IGBP1: variants seen among roughly 807,000 people sequenced by gnomAD.
The protein encoded by IGBP1 is immunoglobulin binding protein 1.
IGBP1 carries 2 observed loss-of-function variants against 25.9 expected under a neutral mutation model. That is an observed-to-expected ratio of 0.08 (90% confidence interval 0.03 to 0.24). IGBP1 has a LOEUF of 0.24. IGBP1 is among the 10% of genes least tolerant of loss of function. IGBP1 has a pLI of 1.00. For missense variants in IGBP1, 187 were observed against 260.4 expected, an observed-to-expected ratio of 0.72 and a Z score of 1.94; for synonymous variants, 96 against 93.4, an observed-to-expected ratio of 1.03 and a Z score of -0.16.
chrX:70,134,005 A>G lies in IGBP1; in HGVS notation c.58A>G (p.Arg20Gly). The G allele has an allele frequency of 8.3e-7, 1 of 1,211,326 alleles. No homozygotes were observed. Among genetic ancestry groups the G allele is most frequent in the Non-Finnish European group, 1.1e-6 (1 of 894,894 alleles). ...GCTCCCCGAGCTGTTCGAAACTGGT[A>G]GACAGTTACTGGACGAAGTAGAAGT... ...PRLPELFETG[R>G]QLLDEVEVAT... The change falls in exon 2 of 7, where the codon AGA becomes GGA. Residue 20 changes from arginine to glycine, a missense_variant. Coordinates refer to ENST00000356413, the MANE Select transcript of IGBP1 (RefSeq NM_001551.3).
At chrX:70,155,165 G>A (rs2085231540) in intron 6 of IGBP1, among the ~76,000 whole-genome samples, 1 of 111,886 alleles carries the variant, frequency 8.9e-6, no homozygotes. Flanking sequence ...GTCTATAAAA[G>A]ATACATTTTA....
chrX:70,155,494 CAAAAAAAAAA>C (rs57946963), intron 6 of IGBP1, among the ~76,000 whole-genome samples: 56 of 36,557 alleles, frequency 1.5e-3, no homozygotes, highest in Non-Finnish European at 2.6e-3. Context: ...GACTCTGTCT[CAAAAAAAAAA>C]AAAAAAAAAA....
chrX:70,148,652 T>C, intron 4 of IGBP1, 109 bp from the exon 5 acceptor site: 1 of 548,308 alleles, frequency 1.8e-6, no homozygotes. Flanking sequence ...AAATAGAAAG[T>C]GAGTGAATTT....
intron 2 of IGBP1, 85 bp from the exon 3 acceptor site, chrX:70,134,438 C>T (rs2085082619): frequency 2.0e-6 from 2 of 1,004,413 alleles, no homozygotes; most frequent in Non-Finnish European, 2.8e-6. Flanking sequence ...ACTCCCAGCC[C>T]AGCCTCCCAC....
intron 4 of IGBP1, 79 bp from the exon 5 acceptor site, chrX:70,148,682 G>A (rs1214657588): frequency 2.3e-5 from 15 of 650,697 alleles, no homozygotes; most frequent in Non-Finnish European, 3.0e-5. Context: ...AGCTTTTCAA[G>A]CACCTGAAGA....
chrX:70,164,555 G>C (rs2085287284), intron 6 of IGBP1, among the ~76,000 whole-genome samples: 1 of 112,307 alleles, frequency 8.9e-6, no homozygotes, highest in Non-Finnish European at 1.9e-5. Context: ...GTGTCTAGTG[G>C]TATGCACTTG....
intron 3 of IGBP1, among the ~76,000 whole-genome samples, chrX:70,142,191 G>A (rs1465933099): frequency 9.0e-6 from 1 of 111,217 alleles, no homozygotes; most frequent in East Asian, 2.8e-4. Flanking sequence ...AAATTAGCTG[G>A]GTGGTGGTGC....
Position 70,133,537 on chromosome X carries a change from C to T in IGBP1, c.-229C>T. ...ACTCCTCAACCTAGGGAGCTACTCGCGAGGTAAGGGGCGCGCCAGACTGGC... is the reference window on the plus strand; with the variant it reads ...ACTCCTCAACCTAGGGAGCTACTCGTGAGGTAAGGGGCGCGCCAGACTGGC... On this transcript the variant is annotated 5_prime_UTR_variant, in exon 1 of 7. Transcript: ENST00000356413. 1 of 348,919 alleles carries T rather than the reference C, an allele frequency of 2.9e-6. No individual in the cohort carries two copies. Among genetic ancestry groups the T allele is most frequent in the Non-Finnish European group, 4.9e-6 (1 of 202,391 alleles). The allele number at this position is 348,919 out of a possible 1,213,427, so 28.8% of individuals were successfully genotyped here.
At chrX:70,146,422 G>C (rs2085166963) in intron 3 of IGBP1, among the ~76,000 whole-genome samples, 1 of 110,322 alleles carries the variant, frequency 9.1e-6, no homozygotes, top group African/African-American at 3.3e-5. Flanking sequence ...GCTTCAGAAG[G>C]TACTCCTCAG....
At chrX:70,165,049 A>G (rs1272940412) in intron 6 of IGBP1, 1 of 111,263 alleles carries the variant, frequency 9.0e-6, no homozygotes, top group Non-Finnish European at 1.9e-5. Context: ...CAACAGAGAG[A>G]AACCCTATCT....
intron 6 of IGBP1, among the ~76,000 whole-genome samples, chrX:70,163,653 C>G (rs932711621): frequency 1.5e-4 from 17 of 111,712 alleles, no homozygotes; most frequent in African/African-American, 5.5e-4. Context: ...ATTTACATGC[C>G]TCCTGATGAA....
At chrX:70,135,242 A>G (rs150322776) in intron 3 of IGBP1, among the ~76,000 whole-genome samples, 1,311 of 111,882 alleles carry the variant, frequency 0.012, 59 homozygotes, top group Admixed American at 0.1. Flanking sequence ...GCACAGCTTC[A>G]TTGTGTGACC....
Position 70,166,269 on chromosome X carries a change from C to T in IGBP1, c.*288C>T. 4.2e-6 allele frequency: 1 copy of T among 238,761 alleles called. No homozygotes were observed. The highest frequency in any genetic ancestry group is 7.5e-6 in the Non-Finnish European group (1 of 133,139). The allele number at this position is 238,761 out of a possible 1,213,427, so 19.7% of individuals were successfully genotyped here. A position where few individuals can be genotyped will look rare whatever the true frequency, so the allele number is the denominator to read the frequency against. ...TGGCTCTGTATAATCTATGGCTATC[C>T]GAATTCTCTGAAAAAATAATAAAAG... On this transcript the variant is annotated 3_prime_UTR_variant, in exon 7 of 7. Transcript: ENST00000356413.
intron 6 of IGBP1, among the ~76,000 whole-genome samples, chrX:70,163,632 G>A (rs1386026870): frequency 2.7e-5 from 3 of 111,549 alleles, no homozygotes; most frequent in African/African-American, 9.8e-5. Context: ...ACATTACAAC[G>A]AGACAGAGAT....
In IGBP1 at chrX:70,137,752, A is replaced by AAG. The variant is rs1491343049; in HGVS notation, c.482+2937_482+2938insGA. ...GAGTTTGGTATCCAAATAATTATAC[A>AAG]AAAAAAAAAAAAAAAAAAAACTGCA... On this transcript the variant is annotated intron_variant, in intron 3 of 6. Coordinates refer to ENST00000356413, the MANE Select transcript of IGBP1 (RefSeq NM_001551.3). Among the ~76,000 whole-genome samples the AAG allele has an allele frequency of 8.6e-3, 669 of 77,482 alleles. 6 individuals carry two copies. Among genetic ancestry groups the AAG allele is most frequent in the African/African-American group, 0.034 (642 of 18,996 alleles). 67.3% of individuals were successfully genotyped at this position (77,482 alleles called of 115,157 possible). A position where few individuals can be genotyped will look rare whatever the true frequency, so the allele number is the denominator to read the frequency against.
intron 6 of IGBP1, chrX:70,165,263 C>T: frequency 8.4e-6 from 1 of 119,713 alleles, no homozygotes; most frequent in Non-Finnish European, 1.7e-5. Context: ...CCATTTGGAC[C>T]TCAGAGCCTA....
intron 3 of IGBP1, among the ~76,000 whole-genome samples, chrX:70,140,283 A>G (rs60232913): frequency 0.023 from 2,608 of 111,676 alleles, 89 homozygotes; most frequent in African/African-American, 0.081. Flanking sequence ...AATGCTTATT[A>G]TTGACAAGCA....
rs758457167 is a variant in IGBP1, at chrX:70,158,630, G to C, written c.872-7203G>C. Among the ~76,000 whole-genome samples the C allele has an allele frequency of 4.8e-4, 53 of 110,380 alleles. 1 individual carries two copies. Among genetic ancestry groups the C allele is most frequent in the Non-Finnish European group, 8.7e-4 (46 of 52,839 alleles). On this transcript the variant is annotated intron_variant, in intron 6 of 6. Transcript: ENST00000356413. ...AGGCGGATCACAAGGTCAGGAGTTT[G>C]AGACCAGCCTGGCCAAGATGGTGAA...
rs1042910563 is a variant in IGBP1, at chrX:70,133,540, G to C, written c.-226G>C. The C allele has an allele frequency of 3.4e-5, 12 of 355,113 alleles. No individual in the cohort carries two copies. The highest frequency in any genetic ancestry group is 7.5e-4 in the Middle Eastern group (1 of 1,342). 29.3% of individuals were successfully genotyped at this position (355,113 alleles called of 1,213,427 possible). Reference sequence around the variant, plus strand: ...CCTCAACCTAGGGAGCTACTCGCGAGGTAAGGGGCGCGCCAGACTGGCTCC... The same window carrying C: ...CCTCAACCTAGGGAGCTACTCGCGACGTAAGGGGCGCGCCAGACTGGCTCC... On this transcript the variant is annotated splice_region_variant and 5_prime_UTR_variant, in exon 1 of 7. Coordinates refer to ENST00000356413, the MANE Select transcript of IGBP1 (RefSeq NM_001551.3).
Sources: allele counts gnomAD v4.1 joint callset (sites outside exome capture counted in the v4.1 genomes callset), GRCh38; gene constraint gnomAD v4.1.1; transcripts MANE v1.5; gene names NCBI Gene and HGNC (gene_info 2026-07-23, HGNC 2026-07-21).